Variants in GRIK4 observed in about 807,000 individuals in gnomAD.
The protein encoded by GRIK4 is glutamate receptor ionotropic, kainate 4.
Under a neutral mutation model 104.9 loss-of-function variants are expected in GRIK4, and 40 were observed. The ratio of observed to expected loss-of-function variants is 0.38; its 90% confidence interval spans 0.30 to 0.50. GRIK4 has a LOEUF of 0.50. GRIK4 is among the 20% of genes least tolerant of loss of function. The pLI is 0.93. For synonymous variants in GRIK4, 485 were observed against 524.9 expected (o/e 0.92, Z 1.04); for missense variants, 1,047 against 1,308.1 (o/e 0.80, Z 3.08).
intron 11 of GRIK4, among the ~76,000 whole-genome samples, chr11:120,878,647 G>A (rs1314771936): frequency 7.5e-6 from 1 of 133,398 alleles, no homozygotes; most frequent in African/African-American, 2.9e-5. Flanking sequence ...TCTAGTGAGT[G>A]TCCTGCTGCT....
chr11:120,985,973 C>T lies in GRIK4; in HGVS notation c.2584C>T (p.Arg862Cys), dbSNP rs566683883. ...IILCQDSIHP[R>C]RRRAAVPPPR... is the part of the protein sequence containing the mutation. ...CCTGTGTCAGGACAGTATCCACCCC[C>T]GCCGGCGGCGCGCCGCAGTCCCGCC... The change falls in exon 21 of 21, where the codon CGC becomes TGC. Residue 862 changes from arginine to cysteine, a missense_variant. Around this residue, in one of 3 missense-constraint regions of GRIK4, gnomAD observed 440 missense variants for 652.3 expected, o/e 0.67. Transcript: ENST00000527524. 5.2e-6 allele frequency: 8 copies of T among 1,535,626 alleles called. No homozygotes were observed. In the East Asian group the frequency reaches 1.0e-4, roughly 20 times the overall value.
rs11600946 is a variant in GRIK4 at position 120,549,553 on chromosome 11, G to A, written c.-159+37666G>A. On this transcript the variant is annotated intron_variant, in intron 1 of 20. Coordinates refer to ENST00000527524, the MANE Select transcript of GRIK4 (RefSeq NM_014619.5). The surrounding 1 kb of genome is among the most constrained non-coding windows in gnomAD (Gnocchi z 4.7). ...AGGCCCCTTTCCTGTAAGAGGTGAG[G>A]GCAGAGACAGGATAGGGAGGGGCAC... Among the ~76,000 whole-genome samples, 17,614 of 152,200 alleles carry A rather than the reference G, an allele frequency of 0.12. 1,459 individuals are homozygous for A. The highest frequency in any genetic ancestry group is 0.3 in the East Asian group (1,567 of 5,158).
chr11:120,679,397 G>A (rs567039107), intron 3 of GRIK4, among the ~76,000 whole-genome samples: 1 of 152,342 alleles, frequency 6.6e-6, no homozygotes, highest in African/African-American at 2.4e-5. Context: ...CCAGGAAAGA[G>A]TATGGAGAAT....
chr11:120,683,838 G>A (rs917745245), intron 3 of GRIK4, among the ~76,000 whole-genome samples: 4 of 152,114 alleles, frequency 2.6e-5, no homozygotes, highest in Non-Finnish European at 2.9e-5. Context: ...AGTAAAGAAG[G>A]GTCTTGACAG....
chr11:120,539,424 C>T (rs766238943), intron 1 of GRIK4, among the ~76,000 whole-genome samples: 2 of 152,132 alleles, frequency 1.3e-5, no homozygotes, highest in South Asian at 2.1e-4. Context: ...ACCACTTGTG[C>T]GAACATGATC....
intron 1 of GRIK4, among the ~76,000 whole-genome samples, chr11:120,535,680 G>T (rs115814917): frequency 6.6e-6 from 1 of 152,224 alleles, no homozygotes; most frequent in Non-Finnish European, 1.5e-5. Context: ...GAGTTAAAAT[G>T]CATGAAACAC....
intron 1 of GRIK4, among the ~76,000 whole-genome samples, chr11:120,537,730 G>GCTTCAGTCGTGGCAC (rs1425957799): frequency 6.6e-6 from 1 of 152,196 alleles, no homozygotes; most frequent in Non-Finnish European, 1.5e-5. Flanking sequence ...TTTACCTACA[G>GCTTCAGTCGTGGCAC]CTTCAGTCTT....
At chr11:120,567,540 G>A (rs559108274) in intron 1 of GRIK4, among the ~76,000 whole-genome samples, 21 of 152,306 alleles carry the variant, frequency 1.4e-4, no homozygotes, top group Middle Eastern at 6.8e-3. Context: ...AGGGGATTTC[G>A]TGTTAGTTAG....
intron 8 of GRIK4, among the ~76,000 whole-genome samples, chr11:120,843,109 A>G (rs1953757599): frequency 6.6e-6 from 1 of 152,276 alleles, no homozygotes; most frequent in African/African-American, 2.4e-5. Context: ...AGGGACTGCC[A>G]ATGAAAGATG....
intron 3 of GRIK4, among the ~76,000 whole-genome samples, chr11:120,690,006 A>G (rs904588730): frequency 6.6e-6 from 1 of 152,158 alleles, no homozygotes; most frequent in Non-Finnish European, 1.5e-5. Flanking sequence ...TATTGTAATT[A>G]AAGTTTTTTT....
intron 1 of GRIK4, among the ~76,000 whole-genome samples, chr11:120,596,778 G>T (rs1009672223): frequency 6.6e-6 from 1 of 151,822 alleles, no homozygotes; most frequent in Non-Finnish European, 1.5e-5. Context: ...AGGCTGAAGT[G>T]CAGTGGCGCC....
chr11:120,685,704 C>T (rs1344703067), intron 3 of GRIK4, among the ~76,000 whole-genome samples: 2 of 152,170 alleles, frequency 1.3e-5, no homozygotes, highest in African/African-American at 4.8e-5. Flanking sequence ...ATCTCATCCC[C>T]CTTCACTTTT....
At chr11:120,583,288 A>G (rs982679025) in intron 1 of GRIK4, among the ~76,000 whole-genome samples, 9 of 152,146 alleles carry the variant, frequency 5.9e-5, no homozygotes, top group Admixed American at 1.3e-4. Flanking sequence ...ATTTTCTTCC[A>G]TTGTATAGGT....
chr11:120,968,018 TACTTTCC>T (rs1944413995), intron 19 of GRIK4, among the ~76,000 whole-genome samples: 1 of 152,242 alleles, frequency 6.6e-6, no homozygotes, highest in Non-Finnish European at 1.5e-5. Context: ...TGTATTTGTT[TACTTTCC>T]ACTTCCTCTA....
intron 6 of GRIK4, among the ~76,000 whole-genome samples, chr11:120,826,925 G>C (rs190656814): frequency 6.6e-6 from 1 of 152,190 alleles, no homozygotes; most frequent in African/African-American, 2.4e-5. Flanking sequence ...GAACAGGTCC[G>C]ACAACCGCAC....
intron 4 of GRIK4, among the ~76,000 whole-genome samples, chr11:120,811,827 T>G (rs1952835067): frequency 1.3e-5 from 2 of 152,258 alleles, no homozygotes; most frequent in Admixed American, 1.3e-4. Context: ...TATTCCCTTA[T>G]GATTATACAT....
At chr11:120,960,062 G>A (rs2134725886) in intron 16 of GRIK4, among the ~76,000 whole-genome samples, 1 of 152,236 alleles carries the variant, frequency 6.6e-6, no homozygotes, top group South Asian at 2.1e-4. Flanking sequence ...CAGGTGTGGT[G>A]GCTCACGCCT....
chr11:120,582,099 G>A (rs551942726), intron 1 of GRIK4, among the ~76,000 whole-genome samples: 71 of 152,172 alleles, frequency 4.7e-4, no homozygotes, highest in African/African-American at 1.6e-3. Flanking sequence ...GAGCCACCGC[G>A]CCCAGCCTGA....
chr11:120,613,678 A>G (rs2135151769), intron 1 of GRIK4, among the ~76,000 whole-genome samples: 1 of 152,274 alleles, frequency 6.6e-6, no homozygotes, highest in East Asian at 1.9e-4. Flanking sequence ...TCCATCCCCA[A>G]AATGCTGTGA....
Sources: gnomAD v4.1 joint callset for allele counts (sites outside exome capture counted in the v4.1 genomes callset) on GRCh38, gnomAD v4.1.1 for gene constraint, gnomAD v4.1.1 regional missense constraint, Gnocchi (gnomAD v3.1) non-coding constraint, MANE v1.5 for transcripts, NCBI Gene and HGNC (gene_info 2026-07-23, HGNC 2026-07-21) for gene names.